The following AUTS2 variants were observed in gnomAD, a reference collection of about 807,000 sequenced individuals.
AUTS2 encodes the protein activator of transcription and developmental regulator AUTS2, also known as autism susceptibility gene 2 protein.
In AUTS2, 17 loss-of-function variants were observed where a neutral mutation model predicts 112.4. The observed-to-expected ratio is 0.15, with a 90% CI of 0.10 to 0.23. AUTS2 has a LOEUF of 0.23. AUTS2 is among the 10% of genes least tolerant of loss of function. The probability of loss-of-function intolerance (pLI) is 1.00; values close to 1 mark genes in which losing one functional copy is unlikely to be tolerated. For synonymous variants in AUTS2, 751 were observed against 702.7 expected, an observed-to-expected ratio of 1.07 and a Z score of -1.09; for missense variants, 1,510 against 1,701.6, an observed-to-expected ratio of 0.89 and a Z score of 1.98.
chr7:70,420,179 G>A (rs1795158028), intron 4 of AUTS2, among the ~76,000 whole-genome samples: 1 of 152,102 alleles, frequency 6.6e-6, no homozygotes, highest in Non-Finnish European at 1.5e-5. Context: ...TTTTTTAGTG[G>A]GACTCTTCAC....
intron 1 of AUTS2, among the ~76,000 whole-genome samples, chr7:69,696,763 A>G (rs889792374): frequency 6.6e-6 from 1 of 151,928 alleles, no homozygotes; most frequent in Non-Finnish European, 1.5e-5. Flanking sequence ...TTGTAAAAAG[A>G]TTTTTTTTCT....
chr7:69,998,201 T>A (rs1198561097), intron 2 of AUTS2, among the ~76,000 whole-genome samples: 4 of 152,166 alleles, frequency 2.6e-5, no homozygotes, highest in Non-Finnish European at 5.9e-5. Context: ...CAAATCTACC[T>A]CAAACTGTAA....
intron 1 of AUTS2, among the ~76,000 whole-genome samples, chr7:69,800,484 G>GC (rs1790034633): frequency 6.6e-6 from 1 of 152,154 alleles, no homozygotes; most frequent in South Asian, 2.1e-4. Flanking sequence ...GGTATGATAA[G>GC]CCCCCCTAAC....
chr7:70,374,773 G>A (rs1443805393), intron 4 of AUTS2, among the ~76,000 whole-genome samples: 2 of 152,152 alleles, frequency 1.3e-5, no homozygotes, highest in South Asian at 2.1e-4. Context: ...TCATCTTCTT[G>A]CATCCCTTGA....
intron 1 of AUTS2, among the ~76,000 whole-genome samples, chr7:69,824,392 G>A (rs990959934): frequency 5.3e-5 from 8 of 151,720 alleles, no homozygotes; most frequent in African/African-American, 1.9e-4. Flanking sequence ...CTGGGTGACA[G>A]CGCGAGATTC....
chr7:70,698,487 G>C, intron 5 of AUTS2, 82 bp from the exon 6 acceptor site: 12 of 1,231,390 alleles, frequency 9.7e-6, no homozygotes, highest in Non-Finnish European at 1.4e-5. Flanking sequence ...GTAGTCAACT[G>C]ATTTAAAATA....
intron 5 of AUTS2, among the ~76,000 whole-genome samples, chr7:70,476,098 A>G (rs994051292): frequency 2.2e-4 from 34 of 152,194 alleles, no homozygotes; most frequent in Admixed American, 2.2e-3. Context: ...CCAGAAAAAA[A>G]TAAGTACTGA....
intron 1 of AUTS2, among the ~76,000 whole-genome samples, chr7:69,632,754 A>G (rs1325990280): frequency 6.6e-6 from 1 of 152,104 alleles, no homozygotes; most frequent in Non-Finnish European, 1.5e-5. Context: ...CCACAGTTAC[A>G]AGAATTTTAT....
chr7:70,741,419 C>T (rs561795275), intron 6 of AUTS2, among the ~76,000 whole-genome samples: 5 of 151,632 alleles, frequency 3.3e-5, no homozygotes, highest in African/African-American at 1.2e-4. Context: ...AGGCCGGGCG[C>T]GGTGGCTTAC....
chr7:70,747,800 CTTTAT>C (rs61458073), intron 6 of AUTS2, among the ~76,000 whole-genome samples: 1,824 of 146,276 alleles, frequency 0.012, 41 homozygotes, highest in African/African-American at 0.044. Context: ...GAGCTCATTT[CTTTAT>C]TTTATTTTAT....
rs770658572 is a variant in AUTS2 at position 70,435,794 on chromosome 7, C to A, written c.690+13C>A. 1.3e-5 allele frequency: 21 copies of A among 1,613,498 alleles called. No homozygotes were observed. In the East Asian group the frequency reaches 4.5e-4, roughly 34 times the overall value. On this transcript the variant is annotated intron_variant, in intron 5 of 18. Coordinates refer to ENST00000342771, the MANE Select transcript of AUTS2 (RefSeq NM_015570.4). ...CCAGGAAGAGAAGGTAAGACCCCCC[C>A]TCCCCCATTGTGGGCACAGCACATA...
At chr7:69,679,050 A>G (rs1441858889) in intron 1 of AUTS2, among the ~76,000 whole-genome samples, 1 of 152,080 alleles carries the variant, frequency 6.6e-6, no homozygotes, top group African/African-American at 2.4e-5. Context: ...AGTGAAGTAT[A>G]TGTGTATATT....
At chr7:69,890,058 T>C (rs1007903577) in intron 1 of AUTS2, among the ~76,000 whole-genome samples, 7 of 152,184 alleles carry the variant, frequency 4.6e-5, no homozygotes, top group Non-Finnish European at 1.0e-4. Context: ...TCATGCTGTA[T>C]TTCTCAGATT....
intron 2 of AUTS2, among the ~76,000 whole-genome samples, chr7:69,958,920 A>G (rs990778796): frequency 6.6e-6 from 1 of 152,178 alleles, no homozygotes; most frequent in Non-Finnish European, 1.5e-5. Context: ...ACATTTGGAG[A>G]GAACCAAATT....
At chr7:69,732,264 A>G (rs1390213472) in intron 1 of AUTS2, among the ~76,000 whole-genome samples, 1 of 152,112 alleles carries the variant, frequency 6.6e-6, no homozygotes, top group East Asian at 1.9e-4. Context: ...TTATAGTATA[A>G]AACATTTGCT....
At chr7:70,143,086 A>G (rs948033200) in intron 4 of AUTS2, among the ~76,000 whole-genome samples, 3 of 152,202 alleles carry the variant, frequency 2.0e-5, no homozygotes, top group Non-Finnish European at 4.4e-5. Flanking sequence ...CTCCCAATCC[A>G]TTGCATAAGA....
chr7:70,333,538 C>T (rs1790853298), intron 4 of AUTS2, among the ~76,000 whole-genome samples: 1 of 152,130 alleles, frequency 6.6e-6, no homozygotes, highest in South Asian at 2.1e-4. Flanking sequence ...TTCACAATAG[C>T]AAAGACTTGG....
chr7:70,567,898 G>C (rs1283268326), intron 5 of AUTS2, among the ~76,000 whole-genome samples: 1 of 152,174 alleles, frequency 6.6e-6, no homozygotes, highest in East Asian at 1.9e-4. Flanking sequence ...TGAGGGTATA[G>C]CTCTCTAGGA....
At position 70,480,269 on chromosome 7, in the gene AUTS2, G is replaced by A. The variant is rs947394304; in HGVS notation, c.690+44488G>A. 3.9e-5 allele frequency among the ~76,000 whole-genome samples: 6 copies of A among 152,338 alleles called. No homozygotes were observed. The East Asian group carries it at 1.2e-3, about 29-fold the overall frequency. ...TGAGCCAGGAGTGTGAGCCGGATTA[G>A]CACACTGAGTTGTACTTTATTCTAA... is the stretch of plus-strand genomic sequence containing the variant. On this transcript the variant is annotated intron_variant, in intron 5 of 18. Coordinates refer to ENST00000342771, the MANE Select transcript of AUTS2 (RefSeq NM_015570.4).
Sources: allele counts gnomAD v4.1 joint callset (sites outside exome capture counted in the v4.1 genomes callset), GRCh38; gene constraint gnomAD v4.1.1; transcripts MANE v1.5; gene names NCBI Gene and HGNC (gene_info 2026-07-23, HGNC 2026-07-21).